Variants in CIRSR observed in about 807,000 individuals in gnomAD.
CIRSR encodes the protein CBF1 (RBPJ) interacting corepressor 1.
At chr2:174,354,190 GA>G in the CIRSR span, among the ~76,000 whole-genome samples, 1 of 150,786 alleles carries the variant, frequency 6.6e-6, no homozygotes, top group Non-Finnish European at 1.5e-5. Context: ...AATCCCAACT[GA>G]AAACTCTGTG....
chr2:174,378,616 A>AT, the CIRSR span: 41 of 343,562 alleles, frequency 1.2e-4, no homozygotes, highest in African/African-American at 8.4e-4. Flanking sequence ...AGAAATAAGC[A>AT]TTTTTTCCTT....
At chr2:174,371,477 T>C in the CIRSR span, among the ~76,000 whole-genome samples, 1 of 152,216 alleles carries the variant, frequency 6.6e-6, no homozygotes, top group Non-Finnish European at 1.5e-5. Flanking sequence ...AGTATAAAAA[T>C]ATTTTATAAA....
the CIRSR span, among the ~76,000 whole-genome samples, chr2:174,377,913 G>T: frequency 0.22 from 32,599 of 150,674 alleles, 3,904 homozygotes; most frequent in African/African-American, 0.28. Flanking sequence ...CCTATAGCCT[G>T]AATCAGCTTG....
chr2:174,363,205 C>G, the CIRSR span, among the ~76,000 whole-genome samples: 6,692 of 152,290 alleles, frequency 0.044, 494 homozygotes, highest in African/African-American at 0.15. Context: ...GACCTAATCA[C>G]AGAATAAGAG....
the CIRSR span, chr2:174,381,812 T>C: frequency 6.9e-7 from 1 of 1,445,046 alleles, no homozygotes; most frequent in Non-Finnish European, 9.3e-7. Context: ...CGATTTTATG[T>C]AGGACAAAAA....
chr2:174,360,492 A>C, the CIRSR span, among the ~76,000 whole-genome samples: 1 of 152,242 alleles, frequency 6.6e-6, no homozygotes, highest in African/African-American at 2.4e-5. Context: ...TAGAAGAATT[A>C]ATATTTACTG....
the CIRSR span, chr2:174,350,865 T>C: frequency 2.8e-6 from 2 of 726,368 alleles, no homozygotes; most frequent in African/African-American, 1.8e-5. Flanking sequence ...GAATATGATA[T>C]TTTGGATTGG....
chr2:174,357,017 T>C, the CIRSR span, among the ~76,000 whole-genome samples: 2 of 152,218 alleles, frequency 1.3e-5, no homozygotes, highest in Non-Finnish European at 1.5e-5. Context: ...ATAGTCAACA[T>C]TCAGATTTCT....
the CIRSR span, chr2:174,387,882 G>A: frequency 1.0e-6 from 1 of 983,430 alleles, no homozygotes; most frequent in Non-Finnish European, 1.4e-6. Flanking sequence ...GTTTAAAGCA[G>A]GAGTGCCCAA....
the CIRSR span, chr2:174,348,811 C>T: frequency 4.3e-6 from 7 of 1,614,022 alleles, no homozygotes; most frequent in Admixed American, 1.2e-4. Context: ...CATTTGCTGT[C>T]CTCCCTAGAA....
chr2:174,358,682 G>A, the CIRSR span: 1 of 152,632 alleles, frequency 6.6e-6, no homozygotes, highest in Non-Finnish European at 1.5e-5. Context: ...TTTGTGCTGT[G>A]ATGAACCTGA....
At chr2:174,351,455 G>A in the CIRSR span, among the ~76,000 whole-genome samples, 2 of 152,130 alleles carry the variant, frequency 1.3e-5, no homozygotes, top group Non-Finnish European at 2.9e-5. Context: ...TTCTCATTTA[G>A]ATTAAAATAA....
chr2:174,384,233 C>A, the CIRSR span, among the ~76,000 whole-genome samples: 4 of 152,134 alleles, frequency 2.6e-5, no homozygotes, highest in South Asian at 2.1e-4. Flanking sequence ...CATATATGAA[C>A]CTTGGACACA....
the CIRSR span, among the ~76,000 whole-genome samples, chr2:174,394,269 G>C: frequency 6.6e-6 from 1 of 152,140 alleles, no homozygotes; most frequent in Non-Finnish European, 1.5e-5. Flanking sequence ...AAATAAGCAA[G>C]CACCTGAATT....
the CIRSR span, chr2:174,348,699 T>C: frequency 6.2e-7 from 1 of 1,614,224 alleles, no homozygotes; most frequent in African/African-American, 1.3e-5. Context: ...GCTCCTTTCC[T>C]CCCTGCCGTG....
chr2:174,371,167 G>A, the CIRSR span, among the ~76,000 whole-genome samples: 1 of 152,128 alleles, frequency 6.6e-6, no homozygotes, highest in Admixed American at 6.6e-5. Context: ...TCTTTCTTGG[G>A]TAACAAAAAT....
the CIRSR span, chr2:174,380,596 A>C: frequency 1.4e-6 from 2 of 1,468,476 alleles, no homozygotes; most frequent in Non-Finnish European, 1.9e-6. Flanking sequence ...ATGGGATATC[A>C]GTAAATGTAA....
At chr2:174,353,446 G>A in the CIRSR span, among the ~76,000 whole-genome samples, 1 of 152,138 alleles carries the variant, frequency 6.6e-6, no homozygotes, top group Admixed American at 6.5e-5. Flanking sequence ...ATGGCATAGA[G>A]GTGCTCATAC....
At chr2:174,351,528 T>C in the CIRSR span, 2 of 1,019,480 alleles carry the variant, frequency 2.0e-6, no homozygotes, top group East Asian at 2.5e-5. Flanking sequence ...CCTATGGATA[T>C]ATGCATATTG....
Sources: allele counts gnomAD v4.1 joint callset (sites outside exome capture counted in the v4.1 genomes callset), GRCh38; gene constraint gnomAD v4.1.1; transcripts MANE v1.5; gene names NCBI Gene and HGNC (gene_info 2026-07-23, HGNC 2026-07-21).